The following CENPN variants were observed in gnomAD, a reference collection of about 807,000 sequenced individuals.
CENPN encodes the protein interphase centromere complex protein 32.
A neutral mutation model predicts 48.6 loss-of-function variants in CENPN; 36 were observed. The ratio of observed to expected loss-of-function variants is 0.74; its 90% CI spans 0.57 to 0.98. The LOEUF (loss-of-function observed/expected upper bound fraction) is 0.98, where lower values mean the gene tolerates loss of function less well. Among genes scored for constraint, CENPN ranks in the 50% least tolerant of loss-of-function variants. The pLI is 0.00. For synonymous variants in CENPN, 166 were observed against 135.2 expected (o/e 1.23, Z -1.58); for missense variants, 439 against 399.2 (o/e 1.10, Z -0.85).
intron 5 of CENPN, among the ~76,000 whole-genome samples, chr16:81,018,651 G>C (rs975391469): frequency 6.6e-6 from 1 of 152,188 alleles, no homozygotes; most frequent in Admixed American, 6.6e-5. Context: ...ATTCAAGGCA[G>C]TAGAGGCCCA....
At chr16:81,009,276 T>A (rs1424380796) in intron 1 of CENPN, among the ~76,000 whole-genome samples, 1 of 152,112 alleles carries the variant, frequency 6.6e-6, no homozygotes, top group Non-Finnish European at 1.5e-5. Context: ...GGTTGGGTGG[T>A]CAGGATAAGT....
intron 8 of CENPN, 53 bp downstream of exon 8, chr16:81,024,831 A>T: frequency 8.4e-7 from 1 of 1,189,314 alleles, no homozygotes. Flanking sequence ...ATTCCCTTAT[A>T]GATTTCTTTC....
intron 3 of CENPN, 172 bp downstream of exon 3, chr16:81,014,353 G>A: frequency 1.6e-6 from 1 of 610,632 alleles, no homozygotes; most frequent in Non-Finnish European, 3.0e-6. Flanking sequence ...TCCAACCTCA[G>A]CCTCCCGAGT....
At chr16:81,023,727 A>G (rs1339720335) in intron 7 of CENPN, 2 of 152,168 alleles carry the variant, frequency 1.3e-5, no homozygotes, top group African/African-American at 4.8e-5. Context: ...CCTTGAGCCC[A>G]GGAGTTCAAG....
At chr16:81,011,601 TA>T (rs1969742354) in intron 1 of CENPN, among the ~76,000 whole-genome samples, 1 of 152,188 alleles carries the variant, frequency 6.6e-6, no homozygotes, top group Admixed American at 6.5e-5. Flanking sequence ...AACATTTAAA[TA>T]TACATTAAGG....
At chr16:81,025,326 AG>A (rs1970414697) in intron 8 of CENPN, among the ~76,000 whole-genome samples, 1 of 152,238 alleles carries the variant, frequency 6.6e-6, no homozygotes, top group Non-Finnish European at 1.5e-5. Context: ...CCAAGAGAAA[AG>A]AGTACAGAAC....
chr16:81,024,822 T>C, intron 8 of CENPN, 44 bp downstream of exon 8: 1 of 1,244,716 alleles, frequency 8.0e-7, no homozygotes, highest in Middle Eastern at 1.9e-4. Context: ...AAATGCATCA[T>C]TCCCTTATAG....
rs1812522 is a variant in CENPN, at chr16:81,021,087, C to T, written c.531+811C>T. ...AGCCTGGGCAACGAGAAAGAAACTC[C>T]GTCTTAAAAAAAAAAAAAAATTAAC... is the stretch of plus-strand genomic sequence containing the variant. On this transcript the variant is annotated intron_variant, in intron 6 of 10. Coordinates refer to ENST00000305850, the MANE Select transcript of CENPN (RefSeq NM_001100624.3). Among the ~76,000 whole-genome samples, 672 of 146,546 alleles carry T rather than the reference C, an allele frequency of 4.6e-3. 4 individuals carry two copies. Among genetic ancestry groups the T allele is most frequent in the African/African-American group, 0.016 (646 of 40,396 alleles).
chr16:81,032,667 G>C (rs1193597241), downstream of CENPN: 6 of 1,611,808 alleles, frequency 3.7e-6, no homozygotes, highest in Non-Finnish European at 5.1e-6. Flanking sequence ...TGTACCTTCT[G>C]TTTGTCCCAT....
At position 81,029,044 on chromosome 16, in the gene CENPN, T is replaced by G. The variant is rs1597112912; in HGVS notation, c.*393T>G. On this transcript the variant is annotated 3_prime_UTR_variant, in exon 11 of 11. Transcript: ENST00000305850. ...GTTCCAGTGGCTGGTTTCCAGGGATTGATTCTTAAGCTCTGGATCACAGAG... is the reference window on the plus strand; with the variant it reads ...GTTCCAGTGGCTGGTTTCCAGGGATGGATTCTTAAGCTCTGGATCACAGAG... 2 of 989,574 alleles carry G rather than the reference T, an allele frequency of 2.0e-6. No homozygotes were observed. The highest frequency in any genetic ancestry group is 1.2e-4 in the Admixed American group (2 of 16,442). 61.3% of individuals were successfully genotyped at this position (989,574 alleles called of 1,614,324 possible).
chr16:81,025,057 G>C (rs1970402820), intron 8 of CENPN, among the ~76,000 whole-genome samples: 1 of 152,236 alleles, frequency 6.6e-6, no homozygotes, highest in Admixed American at 6.5e-5. Context: ...ACCACACTAA[G>C]ATGTTTATAT....
chr16:81,028,150 T>C, intron 9 of CENPN, 21 bp from the exon 10 acceptor site: 1 of 1,554,274 alleles, frequency 6.4e-7, no homozygotes, highest in East Asian at 2.2e-5. Context: ...TTAATAGTCA[T>C]TTATAAATGT....
At chr16:81,014,359 C>G (rs1393198832) in intron 3 of CENPN, 178 bp downstream of exon 3, 2 of 603,664 alleles carry the variant, frequency 3.3e-6, no homozygotes, top group East Asian at 2.8e-5. Flanking sequence ...CTCAGCCTCC[C>G]GAGTAGCTGG....
In CENPN at chr16:81,030,167, A is replaced by T; in HGVS notation, c.*1516A>T. On this transcript the variant is annotated 3_prime_UTR_variant, in exon 11 of 11. Transcript: ENST00000305850. ...CCCTTGTCACATGGGGGTTATTACA[A>T]TTCAAGGTGACACTTGTGTGGAGAC... 2.0e-6 allele frequency: 2 copies of T among 982,716 alleles called. No homozygotes were observed. The highest frequency in any genetic ancestry group is 2.4e-6 in the Non-Finnish European group (2 of 827,500). 60.9% of individuals were successfully genotyped at this position (982,716 alleles called of 1,614,324 possible). A position where few individuals can be genotyped will look rare whatever the true frequency, so the allele number is the denominator to read the frequency against.
chr16:81,024,916 C>T (rs1970394719), intron 8 of CENPN, 138 bp downstream of exon 8: 1 of 502,320 alleles, frequency 2.0e-6, no homozygotes, highest in African/African-American at 2.0e-5. Context: ...AAGTAAATAT[C>T]TGTTGAAGGA....
intron 6 of CENPN, 123 bp from the exon 7 acceptor site, chr16:81,022,474 G>C (rs1970260239): frequency 1.3e-6 from 1 of 794,806 alleles, no homozygotes; most frequent in Admixed American, 2.8e-5. Flanking sequence ...TGTTTTTCTA[G>C]ACTTCTTTTT....
chr16:81,014,714 G>A (rs938199709), intron 3 of CENPN, among the ~76,000 whole-genome samples: 5 of 152,172 alleles, frequency 3.3e-5, no homozygotes, highest in South Asian at 2.1e-4. Context: ...GGTAGTGCCC[G>A]AGAAGCTGTT....
rs185889611 is a variant in CENPN, at chr16:81,014,119, T to C, written c.172-17T>C. On this transcript the variant is annotated splice_polypyrimidine_tract_variant and intron_variant, in intron 2 of 10. Transcript: ENST00000305850. Reference sequence around the variant, plus strand: ...ACCTATAACCACAGTTACTAAATAATTTGTTTTCTCTTTTAGGAAAAGCGT... The same window carrying C: ...ACCTATAACCACAGTTACTAAATAACTTGTTTTCTCTTTTAGGAAAAGCGT... 2.4e-4 allele frequency: 380 copies of C among 1,610,334 alleles called. No individual in the cohort carries two copies. The African/African-American group carries it at 4.3e-3, about 18-fold the overall frequency.
rs1041308118 is a variant in CENPN, at chr16:81,030,478, G to C, written c.*1827G>C. 1 of 859,174 alleles carries C rather than the reference G, an allele frequency of 1.2e-6. No homozygotes were observed. Among genetic ancestry groups the C allele is most frequent in the Admixed American group, 6.2e-5 (1 of 16,106 alleles). 53.2% of individuals were successfully genotyped at this position (859,174 alleles called of 1,614,324 possible). On this transcript the variant is annotated 3_prime_UTR_variant, in exon 11 of 11. Transcript: ENST00000305850. The stretch of plus-strand genomic sequence containing the variant: ...ATGACTTCACTCTGGGCCGGGTGTA[G>C]TGGCTCACGCCTGTAATCCTAGCAC...
Sources: gnomAD v4.1 joint callset for allele counts (sites outside exome capture counted in the v4.1 genomes callset) on GRCh38, gnomAD v4.1.1 for gene constraint, MANE v1.5 for transcripts, NCBI Gene and HGNC (gene_info 2026-07-23, HGNC 2026-07-21) for gene names.